STK32B: variants seen among roughly 807,000 people sequenced by gnomAD.
STK32B encodes the protein serine/threonine-protein kinase 32B.
In STK32B, 43 loss-of-function variants were observed where a neutral mutation model predicts 52.6. That is an observed-to-expected ratio of 0.82 (90% confidence interval 0.64 to 1.05). The LOEUF is 1.05. STK32B is among the 50% of genes least tolerant of loss of function. The pLI, the probability that STK32B is intolerant of heterozygous loss-of-function variation, is 0.00. For missense variants in STK32B, 621 were observed against 534.6 expected, an observed-to-expected ratio of 1.16 and a Z score of -1.59; for synonymous variants, 238 against 204.3, an observed-to-expected ratio of 1.17 and a Z score of -1.41.
intron 3 of STK32B, among the ~76,000 whole-genome samples, chr4:5,223,656 A>G (rs1479122446): frequency 1.3e-5 from 2 of 151,942 alleles, no homozygotes; most frequent in Non-Finnish European, 2.9e-5. Context: ...TACCAAAAAT[A>G]CAAAAACAAA....
At position 5,499,238 on chromosome 4, in the gene STK32B, C is replaced by CCAT; in HGVS notation, c.*157_*159dup. 1 of 1,092,382 alleles carries CCAT rather than the reference C, an allele frequency of 9.2e-7. No homozygotes were observed. Among genetic ancestry groups the CCAT allele is most frequent in the Non-Finnish European group, 1.2e-6 (1 of 800,466 alleles). 67.7% of individuals were successfully genotyped at this position (1,092,382 alleles called of 1,614,324 possible). On this transcript the variant is annotated 3_prime_UTR_variant, in exon 12 of 12. Transcript: ENST00000282908. ...GAGCTGGGAAGCCTGGGTTCTGGTC[C>CCAT]CATCTCCATGACTGATTCACGTGTG... is the stretch of plus-strand genomic sequence containing the variant.
chr4:5,472,461 C>G (rs556066113), intron 11 of STK32B, among the ~76,000 whole-genome samples: 1 of 152,352 alleles, frequency 6.6e-6, no homozygotes, highest in African/African-American at 2.4e-5. Flanking sequence ...GGAGCATCTG[C>G]TTCCAGGGCT....
chr4:5,405,600 T>C (rs1020731006), intron 5 of STK32B, among the ~76,000 whole-genome samples: 1 of 152,070 alleles, frequency 6.6e-6, no homozygotes, highest in Non-Finnish European at 1.5e-5. Context: ...TCAGGAGGCA[T>C]GGCTGGGGAG....
Position 5,262,461 on chromosome 4 carries a change from T to TAA in STK32B, c.261-68746_261-68745dup, listed in dbSNP as rs35348662. Among the ~76,000 whole-genome samples, 595 of 140,788 alleles carry TAA rather than the reference T, an allele frequency of 4.2e-3. 6 individuals carry two copies. The highest frequency in any genetic ancestry group is 0.029 in the East Asian group (141 of 4,858). 92.4% of individuals were successfully genotyped at this position (140,788 alleles called of 152,430 possible). A position where few individuals can be genotyped will look rare whatever the true frequency, so the allele number is the denominator to read the frequency against. On this transcript the variant is annotated intron_variant, in intron 3 of 11. Transcript: ENST00000282908. ...TAACATGGTGAAACCCCGTCTCTACTAAAAAAAAAAAAAATTAGCCGGCCG... is the reference window on the plus strand; with the variant it reads ...TAACATGGTGAAACCCCGTCTCTACTAAAAAAAAAAAAAAAATTAGCCGGCCG...
intron 3 of STK32B, among the ~76,000 whole-genome samples, chr4:5,326,859 C>T (rs796488281): frequency 3.3e-5 from 5 of 152,288 alleles, no homozygotes; most frequent in African/African-American, 1.2e-4. Flanking sequence ...TGAAATATTT[C>T]TCTATAGCAA....
intron 6 of STK32B, among the ~76,000 whole-genome samples, chr4:5,431,280 G>T (rs1267274385): frequency 6.6e-6 from 1 of 152,170 alleles, no homozygotes; most frequent in South Asian, 2.1e-4. Context: ...ATAGCTTTTG[G>T]TTTTTTATAG....
At chr4:5,033,772 A>G in the STK32B span, among the ~76,000 whole-genome samples, 1 of 152,174 alleles carries the variant, frequency 6.6e-6, no homozygotes, top group African/African-American at 2.4e-5. Context: ...TGAAACGCTG[A>G]GGCTGGAAGA....
In STK32B at chr4:5,331,406, C is replaced by T. The variant is rs1456238573; in HGVS notation, c.434+13C>T. ...ACATCATCCACAGGTAACTGGGCTG[C>T]TGGCGGGATGCCTGGGACAGAGGGA... On this transcript the variant is annotated intron_variant, in intron 4 of 11. Coordinates refer to ENST00000282908, the MANE Select transcript of STK32B (RefSeq NM_018401.3). 12 of 1,600,318 alleles carry T rather than the reference C, an allele frequency of 7.5e-6. No homozygotes were observed. Among genetic ancestry groups the T allele is most frequent in the Non-Finnish European group, 1.0e-5 (12 of 1,171,902 alleles).
chr4:5,493,006 T>G (rs1378170787), intron 11 of STK32B, among the ~76,000 whole-genome samples: 1 of 151,440 alleles, frequency 6.6e-6, no homozygotes, highest in Non-Finnish European at 1.5e-5. Context: ...GATTTTTGCA[T>G]CAATGTTCAT....
intron 4 of STK32B, among the ~76,000 whole-genome samples, chr4:5,341,642 G>A (rs1167088933): frequency 6.6e-6 from 1 of 152,172 alleles, no homozygotes. Context: ...ACATGAGACT[G>A]AGTAATTTAT....
At chr4:5,079,196 T>G (rs927952276) in intron 1 of STK32B, among the ~76,000 whole-genome samples, 1 of 152,202 alleles carries the variant, frequency 6.6e-6, no homozygotes, top group African/African-American at 2.4e-5. Flanking sequence ...GGCCATACAG[T>G]AATTTATTTA....
intron 5 of STK32B, among the ~76,000 whole-genome samples, chr4:5,412,069 G>T (rs762284351): frequency 6.6e-6 from 1 of 152,204 alleles, no homozygotes; most frequent in Non-Finnish European, 1.5e-5. Context: ...TTGGAAATGA[G>T]ATGAATTTCC....
intron 3 of STK32B, among the ~76,000 whole-genome samples, chr4:5,248,060 G>A (rs913705653): frequency 8.5e-5 from 13 of 152,176 alleles, no homozygotes; most frequent in African/African-American, 3.1e-4. Flanking sequence ...CTACAGGTGT[G>A]TTTATTTCAT....
intron 2 of STK32B, among the ~76,000 whole-genome samples, chr4:5,153,933 G>T (rs1178066388): frequency 2.0e-5 from 3 of 152,080 alleles, no homozygotes; most frequent in Non-Finnish European, 4.4e-5. Context: ...ATACAGATTT[G>T]ATTTTGGTTC....
At position 5,468,066 on chromosome 4, in the gene STK32B, G is replaced by C; in HGVS notation, c.1102G>C (p.Glu368Gln). 1.2e-6 allele frequency: 2 copies of C among 1,614,148 alleles called. No homozygotes were observed. The highest frequency in any genetic ancestry group is 8.5e-7 in the Non-Finnish European group (1 of 1,179,988). Residue 368 changes from glutamate to glutamine, a missense_variant, in exon 11 of 12, where the codon GAG becomes CAG. By Grantham distance (29) the Glu-to-Gln change is conservative. Coordinates refer to ENST00000282908, the MANE Select transcript of STK32B (RefSeq NM_018401.3). Reference sequence around the variant, plus strand: ...GGAGGAATTCATCATATTCAACAGAGAGAAGTAAGTCCTTCATACTGTCCC... The same window carrying C: ...GGAGGAATTCATCATATTCAACAGACAGAAGTAAGTCCTTCATACTGTCCC... ...VREEFIIFNR[E>Q]KLRRQQGQGS...
At chr4:5,284,751 C>A (rs1265602020) in intron 3 of STK32B, among the ~76,000 whole-genome samples, 1 of 152,156 alleles carries the variant, frequency 6.6e-6, no homozygotes. Context: ...TGATACTAAT[C>A]ATCTCCACGT....
intron 1 of STK32B, among the ~76,000 whole-genome samples, chr4:5,072,027 C>T (rs978118654): frequency 6.6e-6 from 1 of 152,120 alleles, no homozygotes. Context: ...CCCAACTCCT[C>T]ATCTTTCTGG....
intron 1 of STK32B, among the ~76,000 whole-genome samples, chr4:5,077,131 T>C (rs753094269): frequency 4.6e-5 from 7 of 152,210 alleles, no homozygotes; most frequent in Non-Finnish European, 1.0e-4. Context: ...TTTCTGTACA[T>C]GCAGCAACTA....
chr4:5,361,226 A>G (rs1230444411), intron 4 of STK32B, among the ~76,000 whole-genome samples: 1 of 152,172 alleles, frequency 6.6e-6, no homozygotes, highest in Non-Finnish European at 1.5e-5. Flanking sequence ...TGGTCAATGG[A>G]CACTTGGCTT....
Sources: gnomAD v4.1 joint callset for allele counts (sites outside exome capture counted in the v4.1 genomes callset) on GRCh38, gnomAD v4.1.1 for gene constraint, MANE v1.5 for transcripts, NCBI Gene and HGNC (gene_info 2026-07-23, HGNC 2026-07-21) for gene names.